Variants in MAGI2 observed in about 807,000 individuals in gnomAD.
The protein encoded by MAGI2 is membrane-associated guanylate kinase, WW and PDZ domain-containing protein 2.
A neutral mutation model predicts 133.3 loss-of-function variants in MAGI2; 35 were observed. That is an observed-to-expected ratio of 0.26 (90% confidence interval 0.20 to 0.35). MAGI2 has a LOEUF of 0.35. Among genes scored for constraint, MAGI2 ranks in the 10% least tolerant of loss-of-function variants. The pLI, the probability that MAGI2 is intolerant of heterozygous loss-of-function variation, is 1.00. For missense variants in MAGI2, 1,636 were observed against 1,863.4 expected (o/e 0.88, Z 2.25); for synonymous variants, 729 against 710.6 (o/e 1.03, Z -0.41).
chr7:78,058,759 G>A (rs1333535191), intron 21 of MAGI2, among the ~76,000 whole-genome samples: 2 of 152,044 alleles, frequency 1.3e-5, no homozygotes, highest in East Asian at 1.9e-4. Context: ...AAGGAACTAA[G>A]GCATCTTATA....
chr7:78,715,313 T>C (rs1266170329), intron 2 of MAGI2, among the ~76,000 whole-genome samples: 3 of 152,198 alleles, frequency 2.0e-5, no homozygotes, highest in Non-Finnish European at 2.9e-5. Context: ...ATCATTGTCC[T>C]GGAAGTTTAA....
intron 2 of MAGI2, among the ~76,000 whole-genome samples, chr7:78,717,206 G>C (rs144168866): frequency 6.6e-6 from 1 of 152,032 alleles, no homozygotes; most frequent in African/African-American, 2.4e-5. Context: ...CTGTGTTACC[G>C]TCGAGCCGCC....
intron 2 of MAGI2, among the ~76,000 whole-genome samples, chr7:78,993,808 G>A (rs1215758998): frequency 7.2e-5 from 11 of 151,872 alleles, no homozygotes; most frequent in East Asian, 1.9e-4. Context: ...GTTTTGCTTC[G>A]TGAAATAGAA....
chr7:78,607,324 G>A (rs903100261), intron 3 of MAGI2, among the ~76,000 whole-genome samples: 4 of 151,982 alleles, frequency 2.6e-5, no homozygotes, highest in Admixed American at 6.6e-5. Flanking sequence ...TTGACCTATA[G>A]AAGCAGAAAA....
intron 1 of MAGI2, among the ~76,000 whole-genome samples, chr7:79,073,173 A>G (rs191778548): frequency 6.6e-6 from 1 of 152,228 alleles, no homozygotes; most frequent in Non-Finnish European, 1.5e-5. Context: ...AAGTCTATGC[A>G]GGAGATGCCT....
intron 21 of MAGI2, among the ~76,000 whole-genome samples, chr7:78,056,922 A>G (rs1453112411): frequency 6.6e-6 from 1 of 152,124 alleles, no homozygotes; most frequent in Non-Finnish European, 1.5e-5. Context: ...GTTGATGGAC[A>G]TTGAGGCTGC....
chr7:78,823,999 A>T (rs1790403842), intron 2 of MAGI2, among the ~76,000 whole-genome samples: 1 of 152,148 alleles, frequency 6.6e-6, no homozygotes, highest in Non-Finnish European at 1.5e-5. Flanking sequence ...TTCTCAGATT[A>T]GTCTTTTTGT....
rs1021045081 is a variant in MAGI2, at chr7:78,179,347, G to C, written c.2312-1245C>G. 2.0e-5 allele frequency among the ~76,000 whole-genome samples: 3 copies of C among 152,230 alleles called. No homozygotes were observed. The South Asian group carries it at 6.2e-4, about 31-fold the overall frequency. ...ATTATACAGTAGCACTCGTTGTAGA[G>C]AGAGGCTCATTGAATGCTGGCCAGG... On this transcript the variant is annotated intron_variant, in intron 13 of 21. Coordinates refer to ENST00000354212, the MANE Select transcript of MAGI2 (RefSeq NM_012301.4).
intron 2 of MAGI2, among the ~76,000 whole-genome samples, chr7:79,001,812 C>T (rs1286087050): frequency 6.6e-6 from 1 of 152,174 alleles, no homozygotes; most frequent in African/African-American, 2.4e-5. Context: ...TAACTTTGCA[C>T]ATTTAACATG....
chr7:78,936,261 T>A (rs1267789732), intron 2 of MAGI2, among the ~76,000 whole-genome samples: 2 of 152,006 alleles, frequency 1.3e-5, no homozygotes, highest in Non-Finnish European at 2.9e-5. Flanking sequence ...TAATTATTCA[T>A]CAAATGATCA....
At chr7:79,249,138 G>A (rs1833039323) in intron 1 of MAGI2, among the ~76,000 whole-genome samples, 1 of 152,016 alleles carries the variant, frequency 6.6e-6, no homozygotes, top group South Asian at 2.1e-4. Flanking sequence ...ATGAGCCACT[G>A]CACCCAGCCT....
In MAGI2 at chr7:78,849,755, T is replaced by C. The variant is rs117974572; in HGVS notation, c.418+157335A>G. On this transcript the variant is annotated intron_variant, in intron 2 of 21. Coordinates refer to ENST00000354212, the MANE Select transcript of MAGI2 (RefSeq NM_012301.4). ...ACGTTTCTGACACTTAAGATTGATA[T>C]AATACTTAATAATGTCTCAGAAATG... Among the ~76,000 whole-genome samples, 1,014 of 152,168 alleles carry C rather than the reference T, an allele frequency of 6.7e-3. 10 individuals are homozygous for C. Among genetic ancestry groups the C allele is most frequent in the South Asian group, 0.03 (143 of 4,822 alleles).
intron 1 of MAGI2, among the ~76,000 whole-genome samples, chr7:79,134,273 G>T (rs1239648079): frequency 1.3e-5 from 2 of 152,144 alleles, no homozygotes; most frequent in African/African-American, 2.4e-5. Context: ...ATAATCAAAA[G>T]AGAAAAATTT....
chr7:78,540,607 T>C (rs1404613519), intron 3 of MAGI2, among the ~76,000 whole-genome samples: 3 of 152,108 alleles, frequency 2.0e-5, no homozygotes, highest in Non-Finnish European at 4.4e-5. Flanking sequence ...CACCAGATTC[T>C]GCCCAGGAAA....
At chr7:78,285,063 T>G (rs1018290147) in intron 9 of MAGI2, among the ~76,000 whole-genome samples, 16 of 152,096 alleles carry the variant, frequency 1.1e-4, no homozygotes, top group African/African-American at 3.9e-4. Context: ...GTGAGTAACT[T>G]TGACAACTTA....
chr7:79,014,638 A>T (rs987038214), intron 1 of MAGI2, among the ~76,000 whole-genome samples: 32 of 152,202 alleles, frequency 2.1e-4, no homozygotes, highest in African/African-American at 7.7e-4. Flanking sequence ...CATTTTTTTT[A>T]AAACTAGAGA....
At chr7:78,050,994 G>A (rs1811948801) in intron 21 of MAGI2, among the ~76,000 whole-genome samples, 1 of 152,210 alleles carries the variant, frequency 6.6e-6, no homozygotes, top group South Asian at 2.1e-4. Context: ...CCAGAAGCTA[G>A]TGGTCTCCTG....
intron 3 of MAGI2, among the ~76,000 whole-genome samples, chr7:78,566,970 T>C (rs1052454978): frequency 6.6e-6 from 1 of 152,200 alleles, no homozygotes; most frequent in African/African-American, 2.4e-5. Flanking sequence ...TCTGAGCTCA[T>C]GTCTCCTTTT....
intron 1 of MAGI2, among the ~76,000 whole-genome samples, chr7:79,299,598 C>T (rs1837227213): frequency 6.8e-6 from 1 of 147,862 alleles, no homozygotes. Context: ...CCAAGGCATT[C>T]CTTTCTTGAA....
Sources: allele counts gnomAD v4.1 joint callset (sites outside exome capture counted in the v4.1 genomes callset), GRCh38; gene constraint gnomAD v4.1.1; transcripts MANE v1.5; gene names NCBI Gene and HGNC (gene_info 2026-07-23, HGNC 2026-07-21).